Variants in MTHFD2L observed in about 807,000 individuals in gnomAD.
MTHFD2L encodes the protein bifunctional methylenetetrahydrofolate dehydrogenase/cyclohydrolase 2, mitochondrial.
Under a neutral mutation model 34.9 loss-of-function variants are expected in MTHFD2L, and 29 were observed. The ratio of observed to expected loss-of-function variants is 0.83; its 90% CI spans 0.62 to 1.13. MTHFD2L has a LOEUF of 1.13. MTHFD2L is among the 50% of genes most tolerant of loss of function. The pLI, the probability that MTHFD2L is intolerant of heterozygous loss-of-function variation, is 0.00. For synonymous variants in MTHFD2L, 167 were observed against 155.7 expected (o/e 1.07, Z -0.54); for missense variants, 481 against 446.5 (o/e 1.08, Z -0.70).
At chr4:74,235,827 A>C (rs1314542560) in intron 6 of MTHFD2L, among the ~76,000 whole-genome samples, 3 of 152,070 alleles carry the variant, frequency 2.0e-5, no homozygotes, top group Non-Finnish European at 4.4e-5. Flanking sequence ...TTGTTGTTTC[A>C]TACCTGTTGT....
At chr4:74,183,922 T>C (rs1004651808) in intron 3 of MTHFD2L, 3 of 152,110 alleles carry the variant, frequency 2.0e-5, no homozygotes, top group African/African-American at 7.2e-5. Context: ...ATGGCAACAA[T>C]AGCACAAAAG....
intron 1 of MTHFD2L, among the ~76,000 whole-genome samples, chr4:74,126,609 T>C (rs1167534996): frequency 6.6e-6 from 1 of 152,032 alleles, no homozygotes. Context: ...AGTGCAACTT[T>C]AAAGTTTATT....
intron 1 of MTHFD2L, among the ~76,000 whole-genome samples, chr4:74,137,781 C>G (rs913350996): frequency 1.3e-5 from 2 of 151,908 alleles, no homozygotes; most frequent in Non-Finnish European, 2.9e-5. Context: ...AATCATAAGA[C>G]GTATGAAAGC....
chr4:74,198,100 A>T (rs909493228), intron 3 of MTHFD2L, among the ~76,000 whole-genome samples: 3 of 152,204 alleles, frequency 2.0e-5, no homozygotes, highest in Non-Finnish European at 2.9e-5. Context: ...TATTTAAGAC[A>T]AACCAAAATG....
chr4:74,262,055 A>ACATAT (rs1553919678), intron 6 of MTHFD2L, among the ~76,000 whole-genome samples: 1 of 151,484 alleles, frequency 6.6e-6, no homozygotes, highest in Non-Finnish European at 1.5e-5. Flanking sequence ...GAAAAGACAA[A>ACATAT]TAATGGGGAA....
At chr4:74,226,678 C>A (rs1739219679) in intron 6 of MTHFD2L, among the ~76,000 whole-genome samples, 1 of 152,034 alleles carries the variant, frequency 6.6e-6, no homozygotes, top group African/African-American at 2.4e-5. Flanking sequence ...AAAGATAGTA[C>A]TAAATTCATT....
At chr4:74,202,674 T>C (rs1734647853) in intron 5 of MTHFD2L, among the ~76,000 whole-genome samples, 2 of 152,344 alleles carry the variant, frequency 1.3e-5, no homozygotes, top group South Asian at 2.1e-4. Flanking sequence ...GAAGTAGTTA[T>C]TGGTTTATCT....
At chr4:74,234,094 C>T (rs1214210320) in intron 6 of MTHFD2L, among the ~76,000 whole-genome samples, 3 of 152,112 alleles carry the variant, frequency 2.0e-5, no homozygotes, top group Non-Finnish European at 4.4e-5. Context: ...TCAAATGATA[C>T]ATCATTTAAA....
At chr4:74,259,960 G>T (rs966000111) in intron 6 of MTHFD2L, among the ~76,000 whole-genome samples, 11 of 152,196 alleles carry the variant, frequency 7.2e-5, no homozygotes, top group African/African-American at 2.2e-4. Context: ...CTTACAGAGA[G>T]ACAGGGAAAG....
chr4:74,221,930 A>G (rs550305627), intron 5 of MTHFD2L, among the ~76,000 whole-genome samples: 7 of 152,020 alleles, frequency 4.6e-5, no homozygotes, highest in African/African-American at 1.4e-4. Context: ...ATACTCTAGT[A>G]CAATAAATAA....
upstream of MTHFD2L, among the ~76,000 whole-genome samples, chr4:74,123,723 T>G (rs1398341676): frequency 6.6e-6 from 1 of 152,096 alleles, no homozygotes; most frequent in African/African-American, 2.4e-5. Context: ...CCCTAAAAAT[T>G]TCTTTATTTC....
intron 6 of MTHFD2L, among the ~76,000 whole-genome samples, chr4:74,239,701 G>T (rs1296140144): frequency 1.3e-5 from 2 of 152,134 alleles, no homozygotes; most frequent in Non-Finnish European, 2.9e-5. Flanking sequence ...TGTGCAGATT[G>T]CAGGCAATTC....
intron 6 of MTHFD2L, among the ~76,000 whole-genome samples, chr4:74,268,801 A>G (rs1745615229): frequency 6.6e-6 from 1 of 152,204 alleles, no homozygotes; most frequent in Admixed American, 6.5e-5. Context: ...GAATAAGGAT[A>G]TAGCCTCCCA....
intron 6 of MTHFD2L, among the ~76,000 whole-genome samples, chr4:74,272,766 CT>C (rs1746159417): frequency 6.6e-6 from 1 of 152,150 alleles, no homozygotes; most frequent in African/African-American, 2.4e-5. Context: ...TGTTTTAACT[CT>C]TTTATTTCTG....
Position 74,182,752 on chromosome 4 carries a change from A to C in MTHFD2L, c.451+7349A>C, listed in dbSNP as rs921189293. ...ATTGAGCCCATGTGACTACTGGACA[A>C]TAGATTGTAAAAGGAAGAGACATTT... On this transcript the variant is annotated intron_variant, in intron 3 of 7. Transcript: ENST00000325278. The C allele has an allele frequency of 3.3e-5, 5 of 152,276 alleles. 1 individual carries two copies. The highest frequency in any genetic ancestry group is 3.3e-4 in the Admixed American group (5 of 15,274). 9.4% of individuals were successfully genotyped at this position (152,276 alleles called of 1,614,324 possible). A position where few individuals can be genotyped will look rare whatever the true frequency, so the allele number is the denominator to read the frequency against.
chr4:74,138,760 G>T (rs1375721953), intron 1 of MTHFD2L, among the ~76,000 whole-genome samples: 1 of 152,126 alleles, frequency 6.6e-6, no homozygotes, highest in African/African-American at 2.4e-5. Flanking sequence ...TCAGTAGCAA[G>T]ATTTAATGGA....
upstream of MTHFD2L, among the ~76,000 whole-genome samples, chr4:74,120,360 A>G (rs1164930495): frequency 6.6e-6 from 1 of 152,246 alleles, no homozygotes; most frequent in Admixed American, 6.5e-5. Flanking sequence ...TTTGTGCAAT[A>G]TATTTTTCAG....
intron 1 of MTHFD2L, among the ~76,000 whole-genome samples, chr4:74,159,902 G>T (rs542236603): frequency 1.3e-5 from 2 of 152,256 alleles, no homozygotes; most frequent in South Asian, 4.2e-4. Context: ...GTTAAGATAA[G>T]GCGGGGGTTT....
intron 7 of MTHFD2L, among the ~76,000 whole-genome samples, chr4:74,281,804 T>C (rs147922521): frequency 2.6e-5 from 4 of 152,150 alleles, no homozygotes; most frequent in African/African-American, 9.6e-5. Context: ...GGTTTAGGGA[T>C]CAAATTTCTT....
Sources: allele counts gnomAD v4.1 joint callset (sites outside exome capture counted in the v4.1 genomes callset), GRCh38; gene constraint gnomAD v4.1.1; transcripts MANE v1.5; gene names NCBI Gene and HGNC (gene_info 2026-07-23, HGNC 2026-07-21).